Variants in PPP1R14C observed in about 807,000 individuals in gnomAD.
PPP1R14C encodes the protein protein phosphatase 1 regulatory subunit 14C.
In PPP1R14C, 16 loss-of-function variants were observed where a neutral mutation model predicts 20.4. The ratio of observed to expected loss-of-function variants is 0.78; its 90% CI spans 0.53 to 1.19. PPP1R14C has a LOEUF of 1.19. PPP1R14C is among the 50% of genes most tolerant of loss of function. The pLI is 0.00. For missense variants in PPP1R14C, 211 were observed against 220.1 expected (o/e 0.96, Z 0.26); for synonymous variants, 91 against 91.0 (o/e 1.00, Z 0.00).
chr6:150,221,010 C>T (rs9371830), intron 3 of PPP1R14C, among the ~76,000 whole-genome samples: 2,838 of 152,204 alleles, frequency 0.019, 83 homozygotes, highest in East Asian at 0.14. Flanking sequence ...TTTTAGCTCC[C>T]ATTTCTAGGA....
intron 1 of PPP1R14C, among the ~76,000 whole-genome samples, chr6:150,151,896 G>A (rs1777252090): frequency 6.6e-6 from 1 of 152,028 alleles, no homozygotes; most frequent in Admixed American, 6.6e-5. Context: ...TGAGGCGGGC[G>A]GATCACGAGG....
At chr6:150,148,249 C>T (rs189885478) in intron 1 of PPP1R14C, among the ~76,000 whole-genome samples, 2 of 152,336 alleles carry the variant, frequency 1.3e-5, no homozygotes, top group East Asian at 3.9e-4. Flanking sequence ...TTGGCAACAA[C>T]TCTGAGACCC....
At chr6:150,169,097 G>C (rs760588531) in intron 1 of PPP1R14C, among the ~76,000 whole-genome samples, 2 of 152,266 alleles carry the variant, frequency 1.3e-5, no homozygotes, top group African/African-American at 4.8e-5. Flanking sequence ...GGGTGGTCTC[G>C]AACTCCTGAG....
intron 1 of PPP1R14C, chr6:150,194,366 G>A (rs1777779118): frequency 1.3e-6 from 1 of 763,222 alleles, no homozygotes; most frequent in South Asian, 5.9e-5. Context: ...CACAGCTTGA[G>A]CCAAGATTTA....
intron 3 of PPP1R14C, among the ~76,000 whole-genome samples, chr6:150,239,180 G>A (rs1468363157): frequency 5.3e-5 from 8 of 152,178 alleles, no homozygotes; most frequent in Non-Finnish European, 7.3e-5. Context: ...GGGAACACTC[G>A]TGTTCATCCT....
chr6:150,243,844 G>T (rs930878911), intron 3 of PPP1R14C, among the ~76,000 whole-genome samples: 1 of 152,164 alleles, frequency 6.6e-6, no homozygotes, highest in Non-Finnish European at 1.5e-5. Flanking sequence ...AACAGAAAAG[G>T]AATGAACTAT....
intron 1 of PPP1R14C, among the ~76,000 whole-genome samples, chr6:150,147,806 T>C (rs1777196650): frequency 1.3e-5 from 2 of 152,224 alleles, no homozygotes; most frequent in Admixed American, 6.5e-5. Context: ...TGACTTATTA[T>C]ACCTTTCAGT....
intron 1 of PPP1R14C, among the ~76,000 whole-genome samples, chr6:150,203,766 T>C (rs17079407): frequency 0.23 from 35,428 of 152,152 alleles, 4,755 homozygotes; most frequent in Non-Finnish European, 0.3. Flanking sequence ...GTTTCCAGTC[T>C]AAGAGAATTC....
At chr6:150,146,993 A>T (rs1777186816) in intron 1 of PPP1R14C, among the ~76,000 whole-genome samples, 1 of 152,138 alleles carries the variant, frequency 6.6e-6, no homozygotes, top group Admixed American at 6.6e-5. Flanking sequence ...TTATGTGCTT[A>T]TAGTTCTTTT....
intron 3 of PPP1R14C, among the ~76,000 whole-genome samples, chr6:150,225,742 G>A (rs1778223291): frequency 6.6e-6 from 1 of 152,164 alleles, no homozygotes; most frequent in African/African-American, 2.4e-5. Context: ...TCTGTAATTT[G>A]CCTAAATTCA....
intron 1 of PPP1R14C, among the ~76,000 whole-genome samples, chr6:150,174,015 T>TCCCCCCCCCCCCC (rs571196400): frequency 5.4e-5 from 5 of 92,730 alleles, no homozygotes; most frequent in Admixed American, 9.8e-5. Flanking sequence ...CACCTCTCCC[T>TCCCCCCCCCCCCC]CCCCCCCACC....
At chr6:150,204,854 G>A (rs1407028213) in intron 1 of PPP1R14C, among the ~76,000 whole-genome samples, 6 of 152,206 alleles carry the variant, frequency 3.9e-5, no homozygotes, top group South Asian at 4.2e-4. Context: ...ACGGGAAGTC[G>A]GAGGCTTCAG....
chr6:150,221,181 A>G (rs1369180671), intron 3 of PPP1R14C, among the ~76,000 whole-genome samples: 1 of 152,210 alleles, frequency 6.6e-6, no homozygotes, highest in Non-Finnish European at 1.5e-5. Context: ...AATAGCTTAT[A>G]TTTTTCCAGA....
chr6:150,163,924 G>A (rs1026809912), intron 1 of PPP1R14C, among the ~76,000 whole-genome samples: 3 of 152,134 alleles, frequency 2.0e-5, no homozygotes, highest in East Asian at 1.9e-4. Flanking sequence ...TATAGAGTAC[G>A]TGTATATTCA....
At chr6:150,206,190 G>A (rs1402234054) in intron 1 of PPP1R14C, among the ~76,000 whole-genome samples, 1 of 152,082 alleles carries the variant, frequency 6.6e-6, no homozygotes, top group Non-Finnish European at 1.5e-5. Context: ...GCCTTACCCT[G>A]TCACTGCCTG....
intron 1 of PPP1R14C, among the ~76,000 whole-genome samples, chr6:150,187,255 G>C (rs893493338): frequency 3.5e-3 from 283 of 81,598 alleles, no homozygotes; most frequent in African/African-American, 0.01. Context: ...CTCTGTGTGT[G>C]TGTGTGTGTG....
At chr6:150,169,342 C>T (rs979069188) in intron 1 of PPP1R14C, among the ~76,000 whole-genome samples, 21 of 152,038 alleles carry the variant, frequency 1.4e-4, no homozygotes, top group Admixed American at 2.6e-4. Context: ...TCATGGGAAA[C>T]TTGTCTTTTT....
intron 1 of PPP1R14C, chr6:150,195,214 C>A: frequency 1.0e-6 from 1 of 963,556 alleles, no homozygotes; most frequent in Non-Finnish European, 1.2e-6. Flanking sequence ...GGTTTATTCA[C>A]TCAATAACAA....
intron 1 of PPP1R14C, among the ~76,000 whole-genome samples, chr6:150,168,520 G>C (rs192520424): frequency 9.8e-6 from 1 of 102,216 alleles, no homozygotes; most frequent in East Asian, 2.2e-4. Flanking sequence ...GCGAAAGAGC[G>C]AGACTCCCGT....
Sources: allele counts gnomAD v4.1 joint callset (sites outside exome capture counted in the v4.1 genomes callset), GRCh38; gene constraint gnomAD v4.1.1; transcripts MANE v1.5; gene names NCBI Gene and HGNC (gene_info 2026-07-23, HGNC 2026-07-21).